The following ADAM23 variants were observed in gnomAD, a reference collection of about 807,000 sequenced individuals.
ADAM23 encodes the protein disintegrin and metalloproteinase domain-containing protein 23.
In ADAM23, 33 loss-of-function variants were observed where a neutral mutation model predicts 120.1. The ratio of observed to expected loss-of-function variants is 0.27; its 90% confidence interval spans 0.21 to 0.37. The LOEUF (loss-of-function observed/expected upper bound fraction) is 0.37, where lower values mean the gene tolerates loss of function less well. Ranked by LOEUF, ADAM23 falls within the 10% of genes least tolerant of loss-of-function variation. The probability of loss-of-function intolerance (pLI) is 1.00; values close to 1 mark genes in which losing one functional copy is unlikely to be tolerated. For missense variants in ADAM23, 862 were observed against 1,058.2 expected (o/e 0.81, Z 2.57); for synonymous variants, 367 against 375.2 (o/e 0.98, Z 0.25).
chr2:206,545,400 C>T (rs181581011), intron 6 of ADAM23, among the ~76,000 whole-genome samples: 22 of 152,172 alleles, frequency 1.4e-4, no homozygotes, highest in African/African-American at 5.3e-4. Context: ...GCAGAAGAAT[C>T]GCTTGAACCT....
intron 2 of ADAM23, among the ~76,000 whole-genome samples, chr2:206,464,488 T>G (rs1392794141): frequency 6.6e-6 from 1 of 151,602 alleles, no homozygotes; most frequent in African/African-American, 2.4e-5. Flanking sequence ...GGCAGGATAA[T>G]CACTTGAACC....
Position 206,573,012 on chromosome 2 carries a change from T to C in ADAM23, c.1657-103T>C. The C allele has an allele frequency of 4.4e-6, 5 of 1,129,734 alleles. No homozygotes were observed. In the Middle Eastern group the frequency reaches 5.9e-4, roughly 132 times the overall value. 70.0% of individuals were successfully genotyped at this position (1,129,734 alleles called of 1,614,324 possible). A position where few individuals can be genotyped will look rare whatever the true frequency, so the allele number is the denominator to read the frequency against. On this transcript the variant is annotated intron_variant, in intron 17 of 25. Coordinates refer to ENST00000264377, the MANE Select transcript of ADAM23 (RefSeq NM_003812.4). ...CTAATTCTTAAAAAGAGTTTGGTGT[T>C]AGTTATGCGAGAGTATAGGCATTGT... is the stretch of plus-strand genomic sequence containing the variant.
chr2:206,579,839 T>C (rs1698187466), intron 18 of ADAM23, among the ~76,000 whole-genome samples: 1 of 152,226 alleles, frequency 6.6e-6, no homozygotes, highest in Non-Finnish European at 1.5e-5. Context: ...TCTTCAAATA[T>C]TGATTCTACC....
chr2:206,578,009 G>A (rs982900870), intron 18 of ADAM23, among the ~76,000 whole-genome samples: 1 of 151,902 alleles, frequency 6.6e-6, no homozygotes, highest in Non-Finnish European at 1.5e-5. Flanking sequence ...TTCTCTGATG[G>A]CCAGTGATGA....
intron 24 of ADAM23, among the ~76,000 whole-genome samples, chr2:206,600,784 G>A (rs189445961): frequency 6.6e-6 from 1 of 151,774 alleles, no homozygotes; most frequent in Admixed American, 6.6e-5. Flanking sequence ...GATTATTCAC[G>A]CCAACTTCTC....
At chr2:206,587,525 G>A in intron 19 of ADAM23, 150 bp downstream of exon 19, 1 of 539,112 alleles carries the variant, frequency 1.9e-6, no homozygotes, top group Non-Finnish European at 3.2e-6. Flanking sequence ...GTTGCTTCAT[G>A]TTATGCCAAA....
chr2:206,472,253 A>G (rs998026329), intron 2 of ADAM23, among the ~76,000 whole-genome samples: 2 of 152,134 alleles, frequency 1.3e-5, no homozygotes, highest in South Asian at 4.1e-4. Context: ...ATTGACTGGA[A>G]TATGTATTTG....
At chr2:206,445,076 G>A (rs1232918125) in intron 1 of ADAM23, among the ~76,000 whole-genome samples, 1 of 149,668 alleles carries the variant, frequency 6.7e-6, no homozygotes, top group East Asian at 2.0e-4. Context: ...AAAATAAATA[G>A]TGCACAGTTG....
intron 24 of ADAM23, chr2:206,606,457 C>T (rs1698730449): frequency 6.6e-6 from 1 of 152,068 alleles, no homozygotes; most frequent in African/African-American, 2.4e-5. Flanking sequence ...GTTAATAATT[C>T]AAAATTGAAG....
intron 24 of ADAM23, chr2:206,607,895 T>C: frequency 2.5e-6 from 1 of 402,416 alleles, no homozygotes; most frequent in Non-Finnish European, 4.8e-6. Flanking sequence ...TTTTTTTTAA[T>C]TTCTCCTTAG....
chr2:206,592,825 T>C, intron 22 of ADAM23, 89 bp downstream of exon 22: 1 of 1,462,120 alleles, frequency 6.8e-7, no homozygotes, highest in East Asian at 2.4e-5. Flanking sequence ...AAATCAAAGA[T>C]TTTTCTAGTT....
Position 206,561,145 on chromosome 2 carries a change from A to G in ADAM23, c.1187A>G (p.Tyr396Cys). The G allele has an allele frequency of 9.9e-6, 16 of 1,614,042 alleles. No homozygotes were observed. The highest frequency in any genetic ancestry group is 1.2e-5 in the Non-Finnish European group (14 of 1,179,940). The change falls in exon 12 of 26, where the codon TAT (tyrosine) becomes TGT (cysteine). Residue 396 changes from tyrosine to cysteine, a missense_variant. Coordinates refer to ENST00000264377, the MANE Select transcript of ADAM23 (RefSeq NM_003812.4). ...TTCTTAAGGCGGGTGACATTTCACT[A>G]TAAGAGAAGCAGTCTGAGTTACTTT... is the stretch of plus-strand genomic sequence containing the variant. ...VHLISRVTFH[Y>C]KRSSLSYFGG...
intron 1 of ADAM23, among the ~76,000 whole-genome samples, chr2:206,444,559 A>G (rs899597560): frequency 4.6e-5 from 7 of 152,204 alleles, no homozygotes; most frequent in Non-Finnish European, 1.5e-5. Context: ...CAAAGAATTA[A>G]GGTGCTGAAG....
intron 18 of ADAM23, among the ~76,000 whole-genome samples, chr2:206,582,354 T>C (rs1401339851): frequency 6.6e-6 from 1 of 152,214 alleles, no homozygotes; most frequent in Non-Finnish European, 1.5e-5. Flanking sequence ...GATATAAGAA[T>C]AGCTACTCCT....
chr2:206,570,754 G>A lies in ADAM23; in HGVS notation c.1509G>A (p.Thr503=), dbSNP rs757262307. The change falls in exon 16 of 26, where the codon ACG becomes ACA. Residue 503 remains threonine (T), a synonymous_variant. Coordinates refer to ENST00000264377, the MANE Select transcript of ADAM23 (RefSeq NM_003812.4). ...AATCTCTTTAGCTATTTGAGCCCAC[G>A]GAATGTGGAAATGGATACGTGGAAG... The part of the protein sequence containing the change: ...FNRPTKLFEP[T]ECGNGYVEAG... 8 of 1,613,750 alleles carry A rather than the reference G, an allele frequency of 5.0e-6. No individual in the cohort carries two copies. The highest frequency in any genetic ancestry group is 1.7e-5 in the Admixed American group (1 of 60,010).
chr2:206,487,461 G>C (rs1316944633), intron 3 of ADAM23, among the ~76,000 whole-genome samples: 1 of 152,190 alleles, frequency 6.6e-6, no homozygotes, highest in Admixed American at 6.5e-5. Context: ...TGGGAATTCA[G>C]ATAACATACT....
In ADAM23 at chr2:206,565,629, T is replaced by C. The variant is rs563720399; in HGVS notation, c.1394+561T>C. On this transcript the variant is annotated intron_variant, in intron 14 of 25. Coordinates refer to ENST00000264377, the MANE Select transcript of ADAM23 (RefSeq NM_003812.4). ...AGAGCAGCTTCCCCAGAGCTGCTGT[T>C]GCTTCAGTGAACCAAGGCCTGGAAA... is the stretch of plus-strand genomic sequence containing the variant. 3.3e-5 allele frequency among the ~76,000 whole-genome samples: 5 copies of C among 152,342 alleles called. No individual in the cohort carries two copies. The East Asian group carries it at 9.6e-4, about 29-fold the overall frequency.
At chr2:206,527,272 A>T (rs753602959) in intron 3 of ADAM23, among the ~76,000 whole-genome samples, 2 of 152,236 alleles carry the variant, frequency 1.3e-5, no homozygotes, top group Non-Finnish European at 2.9e-5. Context: ...ATTTCAGAAC[A>T]TTCTGTTTCC....
At chr2:206,601,263 G>T (rs547419304) in intron 24 of ADAM23, among the ~76,000 whole-genome samples, 7 of 152,306 alleles carry the variant, frequency 4.6e-5, no homozygotes, top group Admixed American at 2.0e-4. Flanking sequence ...TTCCTGGGAA[G>T]CTTTGGTCAG....
Sources: allele counts gnomAD v4.1 joint callset (sites outside exome capture counted in the v4.1 genomes callset), GRCh38; gene constraint gnomAD v4.1.1; transcripts MANE v1.5; gene names NCBI Gene and HGNC (gene_info 2026-07-23, HGNC 2026-07-21).